IFIT2: variants seen among roughly 807,000 people sequenced by gnomAD.
The protein encoded by IFIT2 is interferon-induced protein with tetratricopeptide repeats 2.
In IFIT2, 3 loss-of-function variants were observed where a neutral mutation model predicts 2.5. That is an observed-to-expected ratio of 1.21 (90% CI 0.55 to 3.14). IFIT2 has a LOEUF of 3.14. Among genes scored for constraint, IFIT2 ranks in the 30% most tolerant of loss-of-function variants. The pLI is 0.03. For missense variants in IFIT2, 493 were observed against 558.9 expected (o/e 0.88, Z 1.19); for synonymous variants, 212 against 200.7 (o/e 1.06, Z -0.48).
In IFIT2 at chr10:89,307,646, G is replaced by A. The variant is rs553618007; in HGVS notation, c.*271G>A. On this transcript the variant is annotated 3_prime_UTR_variant, in exon 2 of 2. Coordinates refer to ENST00000371826, the MANE Select transcript of IFIT2 (RefSeq NM_001547.5). The stretch of plus-strand genomic sequence containing the variant: ...TGACTTCTTGAGTGCAATTTGAACT[G>A]TAACATTTGCTTAGTCACCTTTAGT... 6.1e-6 allele frequency: 2 copies of A among 329,816 alleles called. No homozygotes were observed. The highest frequency in any genetic ancestry group is 4.4e-5 in the Admixed American group (1 of 22,772). The allele number at this position is 329,816 out of a possible 1,614,324, so 20.4% of individuals were successfully genotyped here.
In IFIT2 at chr10:89,306,920, C is replaced by T; in HGVS notation, c.964C>T (p.His322Tyr). Residue 322 changes from histidine (H) to tyrosine (Y), a missense_variant, in exon 2 of 2, where the codon CAT becomes TAT. By Grantham distance (83) the His-to-Tyr change is moderately conservative. Coordinates refer to ENST00000371826, the MANE Select transcript of IFIT2 (RefSeq NM_001547.5). The part of the protein sequence containing the change: ...LLELIGHAVA[H>Y]LKKADEANDN... ...GGAACTAATAGGACACGCTGTGGCT[C>T]ATCTGAAGAAAGCTGATGAGGCCAA... 1.2e-6 allele frequency: 2 copies of T among 1,613,864 alleles called. No individual in the cohort carries two copies. Among genetic ancestry groups the T allele is most frequent in the South Asian group, 1.1e-5 (1 of 91,078 alleles).
At chr10:89,303,113 TTA>T (rs1843456291) in intron 1 of IFIT2, among the ~76,000 whole-genome samples, 2 of 152,216 alleles carry the variant, frequency 1.3e-5, no homozygotes, top group Non-Finnish European at 2.9e-5. Flanking sequence ...TAGCATGGTC[TTA>T]TCTTAGAATT....
rs781136810 is a variant in IFIT2, at chr10:89,307,414, G to C, written c.*39G>C. On this transcript the variant is annotated 3_prime_UTR_variant, in exon 2 of 2. Transcript: ENST00000371826. ...GGTGCCCACTAGGCTACTGCTGAAA[G>C]GGAGCTGAAATTCCTCCACCAAGTT... The C allele has an allele frequency of 3.3e-6, 5 of 1,499,702 alleles. No individual in the cohort carries two copies. In the African/African-American group the frequency reaches 4.2e-5, roughly 13 times the overall value. The allele number at this position is 1,499,702 out of a possible 1,614,324, so 92.9% of individuals were successfully genotyped here.
chr10:89,306,361 T>C lies in IFIT2; in HGVS notation c.405T>C (p.Ser135=), dbSNP rs1203395891. ...TTTCCAGTCCCTATAGAATTGAGAGTCCAGAGCTTGACTGTGAGGAAGGGT... is the reference window on the plus strand; with the variant it reads ...TTTCCAGTCCCTATAGAATTGAGAGCCCAGAGCTTGACTGTGAGGAAGGGT... The part of the protein sequence containing the change: ...EKFSSPYRIE[S]PELDCEEGWT... Residue 135 remains serine, a synonymous_variant, in exon 2 of 2, where the codon AGT becomes AGC. Transcript: ENST00000371826. The C allele has an allele frequency of 6.2e-7, 1 of 1,613,766 alleles. No individual in the cohort carries two copies. The highest frequency in any genetic ancestry group is 8.5e-7 in the Non-Finnish European group (1 of 1,179,966).
rs1564782033 is a variant in IFIT2, at chr10:89,307,079, C to G, written c.1123C>G (p.Leu375Val). ...LTPVAKQLLHLRYGNFQLYQM... is the reference protein window; with the variant it reads ...LTPVAKQLLHVRYGNFQLYQM... ...TCCTGTAGCGAAACAACTGCTCCATCTGCGGTATGGCAACTTTCAGCTGTA... is the reference window on the plus strand; with the variant it reads ...TCCTGTAGCGAAACAACTGCTCCATGTGCGGTATGGCAACTTTCAGCTGTA... Residue 375 changes from leucine (L) to valine (V), a missense_variant, in exon 2 of 2, where the codon CTG becomes GTG. Physicochemically the swap from Leu to Val is conservative, Grantham distance 32. Transcript: ENST00000371826. The G allele has an allele frequency of 6.2e-7, 1 of 1,614,044 alleles. No homozygotes were observed. The highest frequency in any genetic ancestry group is 8.5e-7 in the Non-Finnish European group (1 of 1,179,952).
rs1246454853 is a variant in IFIT2 at position 89,306,716 on chromosome 10, G to A, written c.760G>A (p.Ala254Thr). 5.0e-6 allele frequency: 8 copies of A among 1,614,118 alleles called. No individual in the cohort carries two copies. The highest frequency in any genetic ancestry group is 6.8e-6 in the Non-Finnish European group (8 of 1,179,970). The change falls in exon 2 of 2, where the codon GCC (alanine) becomes ACC (threonine). Residue 254 changes from alanine (A) to threonine (T), a missense_variant. By Grantham distance (58) the Ala-to-Thr change is moderately conservative. Transcript: ENST00000371826. ...PGVTDVLRSA[A>T]KFYRRKDEPD... ...TGTAACAGATGTTCTTCGCAGTGCA[G>A]CCAAGTTTTATCGAAGAAAAGATGA...
In IFIT2 at chr10:89,306,292, C is replaced by T. The variant is rs377432691; in HGVS notation, c.336C>T (p.Asp112=). ...WVYYHMGRLS[D]VQIYVDKVKH... is the part of the protein sequence containing the mutation. ...ACTATCACATGGGCCGACTCTCAGA[C>T]GTTCAGATTTATGTAGACAAGGTGA... Residue 112 remains aspartate (D), a synonymous_variant, in exon 2 of 2, where the codon GAC becomes GAT. Transcript: ENST00000371826. 94 of 1,613,942 alleles carry T rather than the reference C, an allele frequency of 5.8e-5. No individual in the cohort carries two copies. Among genetic ancestry groups the T allele is most frequent in the South Asian group, 1.1e-4 (10 of 91,086 alleles).
chr10:89,304,679 T>C (rs1036032362), intron 1 of IFIT2, among the ~76,000 whole-genome samples: 4 of 152,234 alleles, frequency 2.6e-5, no homozygotes, highest in Admixed American at 6.5e-5. Flanking sequence ...ATTTGGGGCA[T>C]AGAATACTAT....
At chr10:89,302,243 C>T in intron 1 of IFIT2, 115 bp downstream of exon 1, 1 of 1,047,518 alleles carries the variant, frequency 9.5e-7, no homozygotes. Flanking sequence ...TGTTTATAGC[C>T]TTACTATGCC....
intron 1 of IFIT2, 78 bp from the exon 2 acceptor site, chr10:89,305,884 G>T: frequency 1.0e-6 from 1 of 957,360 alleles, no homozygotes; most frequent in Non-Finnish European, 1.6e-6. Flanking sequence ...AGGAGGAGGA[G>T]CATTTTATTT....
Position 89,306,659 on chromosome 10 carries a change from T to C in IFIT2, c.703T>C (p.Leu235=). The change falls in exon 2 of 2, where the codon TTA becomes CTA. Residue 235 remains leucine, a synonymous_variant. Transcript: ENST00000371826. ...EGEEEGEGEK[L]VEEALEKAPG... is the part of the protein sequence containing the mutation. Reference sequence around the variant, plus strand: ...TGAAGAGGAAGGTGAAGGAGAGAAGTTAGTTGAAGAAGCCTTGGAGAAAGC... The same window carrying C: ...TGAAGAGGAAGGTGAAGGAGAGAAGCTAGTTGAAGAAGCCTTGGAGAAAGC... The C allele has an allele frequency of 6.2e-7, 1 of 1,614,018 alleles. No individual in the cohort carries two copies. The highest frequency in any genetic ancestry group is 8.5e-7 in the Non-Finnish European group (1 of 1,179,952).
chr10:89,302,946 G>C (rs992917996), intron 1 of IFIT2, among the ~76,000 whole-genome samples: 7 of 149,652 alleles, frequency 4.7e-5, no homozygotes, highest in Non-Finnish European at 8.9e-5. Context: ...TGTCTGTGAG[G>C]TTCCTGATTT....
rs1158402785 is a variant in IFIT2, at chr10:89,306,863, G to C, written c.907G>C (p.Glu303Gln). Reference protein sequence around the residue: ...AKVFQVMNLRENGMYGKRKLL... With the variant: ...AKVFQVMNLRQNGMYGKRKLL... ...AGTCTTCCAAGTAATGAATCTAAGA[G>C]AGAATGGAATGTATGGGAAAAGAAA... is the stretch of plus-strand genomic sequence containing the variant. Residue 303 changes from glutamate (E) to glutamine (Q), a missense_variant, in exon 2 of 2, where the codon GAG becomes CAG. Transcript: ENST00000371826. The C allele has an allele frequency of 1.2e-6, 2 of 1,614,096 alleles. No homozygotes were observed. Among genetic ancestry groups the C allele is most frequent in the Non-Finnish European group, 1.7e-6 (2 of 1,179,980 alleles).
chr10:89,304,012 T>A (rs778903449), intron 1 of IFIT2, among the ~76,000 whole-genome samples: 13 of 152,222 alleles, frequency 8.5e-5, no homozygotes, highest in Admixed American at 4.6e-4. Context: ...GTTCTGATCC[T>A]CCTGGGGTCA....
chr10:89,302,900 C>A (rs780019723), intron 1 of IFIT2, among the ~76,000 whole-genome samples: 11 of 152,056 alleles, frequency 7.2e-5, no homozygotes, highest in Non-Finnish European at 1.6e-4. Flanking sequence ...GTGTTACCAA[C>A]CCCTGTGCTT....
rs748367775 is a variant in IFIT2, at chr10:89,306,857, C to G, written c.901C>G (p.Leu301Val). Residue 301 changes from leucine (L) to valine (V), a missense_variant, in exon 2 of 2, where the codon CTA (leucine) becomes GTA (valine). Physicochemically the swap from Leu to Val is conservative, Grantham distance 32 (BLOSUM62 1). Coordinates refer to ENST00000371826, the MANE Select transcript of IFIT2 (RefSeq NM_001547.5). ...YRAKVFQVMN[L>V]RENGMYGKRK... ...GGCAAAAGTCTTCCAAGTAATGAAT[C>G]TAAGAGAGAATGGAATGTATGGGAA... 16 of 1,614,050 alleles carry G rather than the reference C, an allele frequency of 9.9e-6. No homozygotes were observed. The highest frequency in any genetic ancestry group is 1.3e-5 in the Non-Finnish European group (15 of 1,179,966).
At chr10:89,305,406 G>T (rs1843471990) in intron 1 of IFIT2, among the ~76,000 whole-genome samples, 1 of 152,100 alleles carries the variant, frequency 6.6e-6, no homozygotes, top group Non-Finnish European at 1.5e-5. Context: ...AATCGAAAGT[G>T]ATAAAGATTT....
chr10:89,302,644 C>T (rs1237545259), intron 1 of IFIT2, among the ~76,000 whole-genome samples: 2 of 152,176 alleles, frequency 1.3e-5, no homozygotes, highest in Non-Finnish European at 2.9e-5. Context: ...CTCAGATTTG[C>T]ACAAGGGCTG....
chr10:89,305,897 C>T, intron 1 of IFIT2, 65 bp from the exon 2 acceptor site: 2 of 1,132,930 alleles, frequency 1.8e-6, no homozygotes, highest in South Asian at 1.4e-5. Context: ...TTTTATTTGC[C>T]ATGCTCCCAT....
Sources: allele counts gnomAD v4.1 joint callset (sites outside exome capture counted in the v4.1 genomes callset), GRCh38; gene constraint gnomAD v4.1.1; transcripts MANE v1.5; gene names NCBI Gene and HGNC (gene_info 2026-07-23, HGNC 2026-07-21).